PLXNB3: variants seen among roughly 807,000 people sequenced by gnomAD.
PLXNB3 encodes plexin B3, also known as plexin-B3.
Under a neutral mutation model 125.7 loss-of-function variants are expected in PLXNB3, and 80 were observed. The observed-to-expected ratio is 0.64, with a 90% CI of 0.53 to 0.77. PLXNB3 has a LOEUF of 0.77. Ranked by LOEUF, PLXNB3 falls within the 30% of genes least tolerant of loss-of-function variation. The pLI is 0.00. For missense variants in PLXNB3, 1,836 were observed against 1,729.3 expected (o/e 1.06, Z -1.09); for synonymous variants, 954 against 783.3 (o/e 1.22, Z -3.64).
At position 153,770,382 on chromosome X, in the gene PLXNB3, G is replaced by C. The variant is rs995669353; in HGVS notation, c.1831G>C (p.Val611Leu). Residue 611 changes from valine (V) to leucine (L), a missense_variant, in exon 9 of 36, where the codon GTG becomes CTG. Val to Leu is a conservative substitution (Grantham distance 32). Coordinates refer to ENST00000361971, the MANE Select transcript of PLXNB3 (RefSeq NM_005393.3). Reference protein sequence around the residue: ...PLALMFEDVTVAATNFSFYDC... With the variant: ...PLALMFEDVTLAATNFSFYDC... ...GGCCCTGATGTTCGAGGACGTGACT[G>C]TGGCTGCCACCAACTTCTCCTTTTA... The C allele has an allele frequency of 8.3e-7, 1 of 1,211,123 alleles. No homozygotes were observed. Among genetic ancestry groups the C allele is most frequent in the Non-Finnish European group, 1.1e-6 (1 of 895,250 alleles).
chrX:153,768,019 G>C, intron 3 of PLXNB3, 106 bp downstream of exon 3: 5 of 891,674 alleles, frequency 5.6e-6, no homozygotes, highest in Non-Finnish European at 7.5e-6. Flanking sequence ...CTCTCAGCCA[G>C]GGGTCAGCTG....
At chrX:153,765,664 T>C in intron 2 of PLXNB3, 84 bp downstream of exon 2, 2 of 1,163,029 alleles carry the variant, frequency 1.7e-6, no homozygotes, top group Non-Finnish European at 2.3e-6. Context: ...GCCCAGGACA[T>C]ACAGGCTGCA....
chrX:153,770,468 C>CA, intron 9 of PLXNB3, 22 bp downstream of exon 9: 13 of 1,202,094 alleles, frequency 1.1e-5, no homozygotes, highest in Non-Finnish European at 1.5e-5. Context: ...GGCCTGCCTC[C>CA]TGGGGTAGGG....
intron 4 of PLXNB3, 106 bp downstream of exon 4, chrX:153,768,534 AG>A: frequency 1.3e-6 from 1 of 778,798 alleles, no homozygotes; most frequent in Non-Finnish European, 1.8e-6. Context: ...CGGTTGGGTC[AG>A]GGGACTTTGC....
At chrX:153,766,142 C>A (rs1380443066) in intron 2 of PLXNB3, 31 of 1,104,918 alleles carry the variant, frequency 2.8e-5, no homozygotes, top group Non-Finnish European at 3.0e-5. Context: ...TCTCTTGACA[C>A]CCCTGGCTTC....
At chrX:153,775,450 G>A in intron 25 of PLXNB3, 47 bp downstream of exon 25, 7 of 1,179,780 alleles carry the variant, frequency 5.9e-6, no homozygotes, top group Non-Finnish European at 8.0e-6. Context: ...GCTTGCCACA[G>A]ACCTGCCCCC....
In PLXNB3 at chrX:153,767,313, G is replaced by C. The variant is rs2148413440; in HGVS notation, c.486G>C (p.Gln162His). Residue 162 changes from glutamine to histidine, a missense_variant, in exon 3 of 36, where the codon CAG (glutamine) becomes CAC (histidine). By Grantham distance (24) the Gln-to-His change is conservative. Coordinates refer to ENST00000361971, the MANE Select transcript of PLXNB3 (RefSeq NM_005393.3). ...AGGCTGAGGACCCTGGTGACGGGCA[G>C]TTTGTGGCTGCCAATACCCCGGGAG... ...LYQAEDPGDG[Q>H]FVAANTPGVA... 8.3e-7 allele frequency: 1 copy of C among 1,205,832 alleles called. No homozygotes were observed. The highest frequency in any genetic ancestry group is 1.8e-5 in the South Asian group (1 of 56,062).
Position 153,773,214 on chromosome X carries a change from A to T in PLXNB3, c.2907-16A>T, listed in dbSNP as rs1557062638. ...TGGTAGAGCCGAGATGAGAGACCCC[A>T]CTACCCATCCTGCAGCCTGGAGCCA... On this transcript the variant is annotated splice_polypyrimidine_tract_variant and intron_variant, in intron 17 of 35. Transcript: ENST00000361971. 8.4e-7 allele frequency: 1 copy of T among 1,191,188 alleles called. No individual in the cohort carries two copies. Among genetic ancestry groups the T allele is most frequent in the Admixed American group, 2.2e-5 (1 of 44,926 alleles).
In PLXNB3 at chrX:153,776,387, C is replaced by T. The variant is rs782374521; in HGVS notation, c.4761C>T (p.Thr1587=). The T allele has an allele frequency of 4.2e-6, 5 of 1,189,827 alleles. No individual in the cohort carries two copies. Among genetic ancestry groups the T allele is most frequent in the Non-Finnish European group, 5.6e-6 (5 of 885,956 alleles). Residue 1587 remains threonine (T), a synonymous_variant, in exon 28 of 36, where the codon ACC becomes ACT. Transcript: ENST00000361971. ...GCTCAGGCCTGGCTGGTCACCTGAC[C>T]CTATCGGACGAAGACTTGACCTCCG... The part of the protein sequence containing the change: ...EWRSGLAGHL[T]LSDEDLTSVT...
At chrX:153,775,780 G>A (rs1432956186) in intron 26 of PLXNB3, 107 bp from the exon 27 acceptor site, 2 of 1,092,767 alleles carry the variant, frequency 1.8e-6, no homozygotes, top group Non-Finnish European at 2.5e-6. Flanking sequence ...GCTTTGGAAA[G>A]GGAAGGACTT....
rs376020034 is a variant in PLXNB3, at chrX:153,770,261, T to A, written c.1786+13T>A. On this transcript the variant is annotated intron_variant, in intron 8 of 35. Coordinates refer to ENST00000361971, the MANE Select transcript of PLXNB3 (RefSeq NM_005393.3). ...CCTCCAGGCACAGGTGAGTGGCCCA[T>A]GGGGTAGGGGGCTGGGATGGAGGCT... 5.4e-5 allele frequency: 65 copies of A among 1,209,538 alleles called. No homozygotes were observed. The highest frequency in any genetic ancestry group is 7.3e-5 in the Non-Finnish European group (65 of 894,557).
intron 2 of PLXNB3, 95 bp downstream of exon 2, chrX:153,765,675 G>C: frequency 3.4e-6 from 4 of 1,160,570 alleles, no homozygotes; most frequent in Non-Finnish European, 4.6e-6. Context: ...ACAGGCTGCA[G>C]CCTCCCTCAT....
rs1349467613 is a variant in PLXNB3 at position 153,769,084 on chromosome X, C to T, written c.1395+8C>T. ...GTCCTGACTGCCCACCAGGTGAGGG[C>T]CATCCTGGGGCTGAAGGGGCCAGCA... On this transcript the variant is annotated splice_region_variant and intron_variant, in intron 5 of 35. Coordinates refer to ENST00000361971, the MANE Select transcript of PLXNB3 (RefSeq NM_005393.3). 3 of 1,207,421 alleles carry T rather than the reference C, an allele frequency of 2.5e-6. No individual in the cohort carries two copies. The highest frequency in any genetic ancestry group is 3.5e-5 in the South Asian group (2 of 56,583).
At chrX:153,771,268 C>A in intron 12 of PLXNB3, 42 bp from the exon 13 acceptor site, 1 of 1,082,674 alleles carries the variant, frequency 9.2e-7, no homozygotes, top group Non-Finnish European at 1.3e-6. Context: ...GTCAGAGGTG[C>A]CCTGAGTGGG....
chrX:153,775,196 C>T, intron 24 of PLXNB3, 29 bp from the exon 25 acceptor site: 1 of 1,155,350 alleles, frequency 8.7e-7, no homozygotes, highest in East Asian at 3.1e-5. Context: ...AGTGGGGCTT[C>T]CCAGGATGAG....
intron 19 of PLXNB3, 36 bp downstream of exon 19, chrX:153,773,749 C>T (rs1029099892): frequency 8.5e-7 from 1 of 1,176,411 alleles, no homozygotes; most frequent in South Asian, 1.9e-5. Flanking sequence ...AGGCTGTCCC[C>T]GACCATGCCC....
chrX:153,778,070 C>T lies in PLXNB3; in HGVS notation c.5384C>T (p.Thr1795Ile). 8.3e-7 allele frequency: 1 copy of T among 1,211,754 alleles called. No individual in the cohort carries two copies. Among genetic ancestry groups the T allele is most frequent in the East Asian group, 3.0e-5 (1 of 33,864 alleles). ...GCCCAGACCTTCATTGACTCCTGTA[C>T]CACCTCGGAGCATAAAGTGGGCCGG... Reference protein sequence around the residue: ...VIAQTFIDSCTTSEHKVGRDS... With the variant: ...VIAQTFIDSCITSEHKVGRDS... The change falls in exon 32 of 36, where the codon ACC becomes ATC. Residue 1795 changes from threonine (T) to isoleucine (I), a missense_variant. Physicochemically the swap from Thr to Ile is moderately conservative, Grantham distance 89. Coordinates refer to ENST00000361971, the MANE Select transcript of PLXNB3 (RefSeq NM_005393.3).
At chrX:153,768,810 G>A (rs1412432859) in intron 4 of PLXNB3, 138 bp from the exon 5 acceptor site, 9 of 694,846 alleles carry the variant, frequency 1.3e-5, no homozygotes, top group Admixed American at 3.0e-5. Flanking sequence ...AGTGGGGGAA[G>A]TGATGTGTCC....
chrX:153,771,722 C>G, intron 14 of PLXNB3, 67 bp downstream of exon 14: 1 of 1,127,659 alleles, frequency 8.9e-7, no homozygotes, highest in Non-Finnish European at 1.2e-6. Flanking sequence ...GTCCTGTCCT[C>G]CGTGATCAGA....
Sources: allele counts gnomAD v4.1 joint callset, GRCh38; gene constraint gnomAD v4.1.1; transcripts MANE v1.5; gene names NCBI Gene and HGNC (gene_info 2026-07-23, HGNC 2026-07-21).